LIMS1: variants seen among roughly 807,000 people sequenced by gnomAD.
LIMS1 encodes the protein LIM zinc finger domain containing 1, also known as LIM and senescent cell antigen-like-containing domain protein 1.
In LIMS1, 18 loss-of-function variants were observed where a neutral mutation model predicts 44.1. The ratio of observed to expected loss-of-function variants is 0.41; its 90% CI spans 0.28 to 0.61. The LOEUF is 0.61. Among genes scored for constraint, LIMS1 ranks in the 20% least tolerant of loss-of-function variants. The probability of loss-of-function intolerance (pLI) is 0.32; values close to 1 mark genes in which losing one functional copy is unlikely to be tolerated. For missense variants in LIMS1, 201 were observed against 422.0 expected (o/e 0.48, Z 4.59); for synonymous variants, 93 against 149.1 (o/e 0.62, Z 2.74).
chr2:108,613,859 T>C (rs1687789852), intron 1 of LIMS1, among the ~76,000 whole-genome samples: 1 of 152,042 alleles, frequency 6.6e-6, no homozygotes, highest in South Asian at 2.1e-4. Flanking sequence ...AGTGTTTCTG[T>C]CTCAGGAAGC....
intron 1 of LIMS1, among the ~76,000 whole-genome samples, chr2:108,598,618 A>G (rs1686842942): frequency 6.6e-6 from 1 of 152,138 alleles, no homozygotes; most frequent in Admixed American, 6.5e-5. Context: ...GGAGTGTGGG[A>G]ATGAGGCCCT....
chr2:108,596,733 G>A (rs1212437414), intron 1 of LIMS1, among the ~76,000 whole-genome samples: 2 of 152,188 alleles, frequency 1.3e-5, no homozygotes, highest in East Asian at 3.9e-4. Context: ...TGAAGCAGGA[G>A]AATCGCTTGA....
intron 1 of LIMS1, among the ~76,000 whole-genome samples, chr2:108,589,870 A>G (rs909194809): frequency 6.6e-6 from 1 of 152,136 alleles, no homozygotes; most frequent in African/African-American, 2.4e-5. Context: ...AAACTATTCT[A>G]GTTTCATACC....
Position 108,662,158 on chromosome 2 carries a change from C to G in LIMS1, c.192+2394C>G, listed in dbSNP as rs142910721. ...ATTTTCCTTATATCCCTGGCTTGCTCTTTCCCCTGTGAGCACCCTGTAGCT... is the reference window on the plus strand; with the variant it reads ...ATTTTCCTTATATCCCTGGCTTGCTGTTTCCCCTGTGAGCACCCTGTAGCT... On this transcript the variant is annotated intron_variant, in intron 2 of 9. Coordinates refer to ENST00000544547, the Ensembl canonical transcript of LIMS1. 5.9e-3 allele frequency: 9,577 copies of G among 1,611,726 alleles called. 401 individuals carry two copies. The African/African-American group carries it at 0.11, about 19-fold the overall frequency.
At chr2:108,625,433 T>C (rs1372290465) in intron 1 of LIMS1, among the ~76,000 whole-genome samples, 1 of 152,182 alleles carries the variant, frequency 6.6e-6, no homozygotes, top group Non-Finnish European at 1.5e-5. Context: ...CCTGGTCTAG[T>C]GCTGAGATAA....
At chr2:108,568,973 C>T (rs937111958) in intron 1 of LIMS1, among the ~76,000 whole-genome samples, 1 of 151,990 alleles carries the variant, frequency 6.6e-6, no homozygotes, top group Non-Finnish European at 1.5e-5. Context: ...CTCACTGCAA[C>T]CTCCGCCTCC....
At chr2:108,540,134 C>G (rs866485119) in intron 1 of LIMS1, among the ~76,000 whole-genome samples, 1 of 136,330 alleles carries the variant, frequency 7.3e-6, no homozygotes, top group Non-Finnish European at 1.6e-5. Context: ...TGAAGTGGAA[C>G]AAATGATGTT....
intron 1 of LIMS1, among the ~76,000 whole-genome samples, chr2:108,625,138 G>C (rs1252224688): frequency 1.3e-5 from 2 of 152,184 alleles, no homozygotes; most frequent in African/African-American, 4.8e-5. Flanking sequence ...GGCCAAATCT[G>C]GCCTGCTGCC....
intron 1 of LIMS1, among the ~76,000 whole-genome samples, chr2:108,552,602 G>GTA (rs1458063291): frequency 3.3e-5 from 5 of 149,756 alleles, no homozygotes; most frequent in Non-Finnish European, 7.4e-5. Flanking sequence ...GTGTGTGTGT[G>GTA]TGTGTGTGTG....
At chr2:108,536,827 G>A (rs1684159748) in intron 1 of LIMS1, among the ~76,000 whole-genome samples, 1 of 152,148 alleles carries the variant, frequency 6.6e-6, no homozygotes, top group South Asian at 2.1e-4. Context: ...CTGGGTTCCA[G>A]CAGTCCACCC....
chr2:108,639,861 C>G (rs796913534), intron 1 of LIMS1, among the ~76,000 whole-genome samples: 14 of 152,268 alleles, frequency 9.2e-5, no homozygotes, highest in African/African-American at 3.4e-4. Flanking sequence ...CTGCAATAAG[C>G]TATATTGCTG....
intron 1 of LIMS1, among the ~76,000 whole-genome samples, chr2:108,634,038 G>A (rs183777213): frequency 6.6e-6 from 1 of 152,198 alleles, no homozygotes; most frequent in East Asian, 1.9e-4. Context: ...CTGGATGCTG[G>A]CTGTAGCCTC....
chr2:108,603,102 G>A (rs950969863), intron 1 of LIMS1, among the ~76,000 whole-genome samples: 53 of 152,132 alleles, frequency 3.5e-4, no homozygotes, highest in African/African-American at 1.2e-3. Context: ...TCTTTTTTTC[G>A]ATGTGTCTTT....
intron 1 of LIMS1, among the ~76,000 whole-genome samples, chr2:108,626,703 A>G (rs1397097124): frequency 6.6e-6 from 1 of 152,210 alleles, no homozygotes; most frequent in Non-Finnish European, 1.5e-5. Context: ...TAAACTCTTT[A>G]CACTCTACTT....
chr2:108,684,678 T>G (rs1488305535), exon 10 of LIMS1: 1 of 151,986 alleles, frequency 6.6e-6, no homozygotes, highest in Non-Finnish European at 1.5e-5. Flanking sequence ...TCCTTTAAAT[T>G]TTTGTGCAAA....
chr2:108,675,305 G>C (rs1692458240), intron 5 of LIMS1, among the ~76,000 whole-genome samples: 1 of 151,874 alleles, frequency 6.6e-6, no homozygotes, highest in Middle Eastern at 3.4e-3. Context: ...ATAGCAGAGG[G>C]CATCACATGG....
chr2:108,641,772 G>A (rs571141957), intron 1 of LIMS1, among the ~76,000 whole-genome samples: 5 of 152,180 alleles, frequency 3.3e-5, no homozygotes, highest in Admixed American at 3.3e-4. Flanking sequence ...AATTGACAAG[G>A]CAAAATGGCA....
chr2:108,660,926 A>G (rs1233515351), intron 2 of LIMS1, among the ~76,000 whole-genome samples: 28 of 145,030 alleles, frequency 1.9e-4, no homozygotes, highest in African/African-American at 6.4e-4. Context: ...GAATTATTTT[A>G]TAGCTGGAGA....
At chr2:108,591,796 TTTTTG>T (rs201463688) in intron 1 of LIMS1, among the ~76,000 whole-genome samples, 45,233 of 129,480 alleles carry the variant, frequency 0.35, 7,573 homozygotes, top group East Asian at 0.84. Flanking sequence ...TTAGTTTTTT[TTTTTG>T]TTTTTTTTTT....
Sources: allele counts gnomAD v4.1 joint callset (sites outside exome capture counted in the v4.1 genomes callset), GRCh38; gene constraint gnomAD v4.1.1; transcripts MANE v1.5; gene names NCBI Gene and HGNC (gene_info 2026-07-23, HGNC 2026-07-21).